Variants in BRPF3 observed in about 807,000 individuals in gnomAD.
The protein encoded by BRPF3 is bromodomain and PHD finger containing 3.
Under a neutral mutation model 102.0 loss-of-function variants are expected in BRPF3, and 18 were observed. The ratio of observed to expected loss-of-function variants is 0.18; its 90% CI spans 0.12 to 0.26. The LOEUF is 0.26. Ranked by LOEUF, BRPF3 falls within the 10% of genes least tolerant of loss-of-function variation. The probability of loss-of-function intolerance (pLI) is 1.00; values close to 1 mark genes in which losing one functional copy is unlikely to be tolerated. For synonymous variants in BRPF3, 570 were observed against 614.2 expected (o/e 0.93, Z 1.06); for missense variants, 1,147 against 1,567.8 (o/e 0.73, Z 4.53).
In BRPF3 at chr6:36,231,288, C is replaced by G. The variant is rs1561837983; in HGVS notation, c.*679C>G. On this transcript the variant is annotated 3_prime_UTR_variant, in exon 13 of 13. Coordinates refer to ENST00000357641, the MANE Select transcript of BRPF3 (RefSeq NM_015695.3). ...CAGGCTCCTCAGGCCCAGACAGAGG[C>G]CAGCCCACAACCTATGACCCCCTCC... The G allele has an allele frequency of 6.5e-6, 1 of 152,834 alleles. No homozygotes were observed. Among genetic ancestry groups the G allele is most frequent in the Non-Finnish European group, 1.5e-5 (1 of 68,228 alleles). The allele number at this position is 152,834 out of a possible 1,614,324, so 9.5% of individuals were successfully genotyped here. A position where few individuals can be genotyped will look rare whatever the true frequency, so the allele number is the denominator to read the frequency against.
At chr6:36,220,654 C>A (rs1304130340) in intron 9 of BRPF3, among the ~76,000 whole-genome samples, 1 of 152,208 alleles carries the variant, frequency 6.6e-6, no homozygotes, top group Non-Finnish European at 1.5e-5. Context: ...TAGCACTTTA[C>A]ATTTGTACAA....
chr6:36,197,465 C>T (rs1767541822), intron 1 of BRPF3: 1 of 152,286 alleles, frequency 6.6e-6, no homozygotes, highest in African/African-American at 2.4e-5. Context: ...TCCCTCCTTT[C>T]TTCTCCGAGG....
chr6:36,210,518 C>A lies in BRPF3; in HGVS notation c.2169C>A (p.Ser723=). ...SPKLEDFYRF[S]WEDVDNILIP... The stretch of plus-strand genomic sequence containing the variant: ...AATTGGAAGACTTTTACCGCTTCTC[C>A]TGGGAAGACGGTGAGAGGCCTGGAT... The change falls in exon 6 of 13, where the codon TCC becomes TCA. Residue 723 remains serine (S), a synonymous_variant. Coordinates refer to ENST00000357641, the MANE Select transcript of BRPF3 (RefSeq NM_015695.3). This position sits in a 1 kb window ranked among gnomAD's most constrained non-coding sequence, Gnocchi z 4.7. 1 of 1,589,908 alleles carries A rather than the reference C, an allele frequency of 6.3e-7. No individual in the cohort carries two copies. Among genetic ancestry groups the A allele is most frequent in the Non-Finnish European group, 8.5e-7 (1 of 1,174,290 alleles).
At chr6:36,204,066 T>G (rs1767815538) in intron 2 of BRPF3, among the ~76,000 whole-genome samples, 1 of 152,220 alleles carries the variant, frequency 6.6e-6, no homozygotes, top group Non-Finnish European at 1.5e-5. Flanking sequence ...GTTTTCACAT[T>G]TCCCATCCTC....
At chr6:36,214,534 C>A in intron 8 of BRPF3, 148 bp downstream of exon 8, 1 of 1,003,828 alleles carries the variant, frequency 1.0e-6, no homozygotes, top group Non-Finnish European at 1.4e-6. Context: ...CACAGTTGGG[C>A]CTGGCATGTT....
chr6:36,214,068 G>A lies in BRPF3; in HGVS notation c.2671G>A (p.Gly891Arg). ...ELLEKSPLQLGNEPLQRLLSD... is the reference protein window; with the variant it reads ...ELLEKSPLQLRNEPLQRLLSD... Reference sequence around the variant, plus strand: ...CTTGGAAAAATCACCACTGCAGCTAGGGAATGAGCCTTTGCAACGCTTGCT... The same window carrying A: ...CTTGGAAAAATCACCACTGCAGCTAAGGAATGAGCCTTTGCAACGCTTGCT... Residue 891 changes from glycine (G) to arginine (R), a missense_variant, in exon 8 of 13, where the codon GGG becomes AGG. Transcript: ENST00000357641. The A allele has an allele frequency of 1.9e-6, 3 of 1,614,162 alleles. No homozygotes were observed. The highest frequency in any genetic ancestry group is 2.5e-6 in the Non-Finnish European group (3 of 1,180,024).
chr6:36,230,744 A>C lies in BRPF3; in HGVS notation c.*135A>C. The stretch of plus-strand genomic sequence containing the variant: ...AGGCCAGGGACTGGGCTTTCTCCCC[A>C]CTAAGGGCAAGGCCCCAGTTTTGAC... On this transcript the variant is annotated 3_prime_UTR_variant, in exon 13 of 13. Coordinates refer to ENST00000357641, the MANE Select transcript of BRPF3 (RefSeq NM_015695.3). This position sits in a 1 kb window ranked among gnomAD's most constrained non-coding sequence, Gnocchi z 5.4. The C allele has an allele frequency of 2.6e-6, 3 of 1,165,594 alleles. No homozygotes were observed. Among genetic ancestry groups the C allele is most frequent in the Non-Finnish European group, 3.6e-6 (3 of 840,544 alleles). 72.2% of individuals were successfully genotyped at this position (1,165,594 alleles called of 1,614,324 possible).
chr6:36,213,572 G>A (rs1372241805), intron 7 of BRPF3, among the ~76,000 whole-genome samples: 1 of 152,052 alleles, frequency 6.6e-6, no homozygotes, highest in Non-Finnish European at 1.5e-5. Flanking sequence ...GTGTGGTGGT[G>A]TGTGCTTATA....
At chr6:36,213,772 C>A (rs1768218007) in intron 7 of BRPF3, 108 bp from the exon 8 acceptor site, 3 of 1,176,068 alleles carry the variant, frequency 2.6e-6, no homozygotes, top group Non-Finnish European at 3.6e-6. Context: ...GCATCTCAAG[C>A]CTTATAACAG....
intron 9 of BRPF3, among the ~76,000 whole-genome samples, chr6:36,218,926 G>T (rs911505117): frequency 4.6e-5 from 7 of 152,170 alleles, no homozygotes; most frequent in African/African-American, 1.7e-4. Context: ...TCTGTGTTCT[G>T]TGTTCTGCAA....
intron 3 of BRPF3, among the ~76,000 whole-genome samples, chr6:36,205,756 T>C (rs1396367494): frequency 6.6e-6 from 1 of 152,212 alleles, no homozygotes. Context: ...TGCTATCTGC[T>C]CGTTTGCTTG....
At chr6:36,211,657 A>T (rs1768119397) in intron 7 of BRPF3, 97 bp downstream of exon 7, 1 of 1,417,570 alleles carries the variant, frequency 7.1e-7, no homozygotes, top group Non-Finnish European at 9.4e-7. Flanking sequence ...CTGAGTTTAG[A>T]TCTGACACTT....
Position 36,207,297 on chromosome 6 carries a change from C to T in BRPF3, c.1606-16C>T, listed in dbSNP as rs370248845. ...AAGAAGGAGGTTCCTAGTCCCTCTT[C>T]TCTTCCCTCCTGTAGCGAGAGCAGG... is the stretch of plus-strand genomic sequence containing the variant. On this transcript the variant is annotated splice_polypyrimidine_tract_variant and intron_variant, in intron 3 of 12. Coordinates refer to ENST00000357641, the MANE Select transcript of BRPF3 (RefSeq NM_015695.3). The T allele has an allele frequency of 1.2e-4, 197 of 1,609,972 alleles. No homozygotes were observed. The highest frequency in any genetic ancestry group is 1.6e-4 in the Non-Finnish European group (194 of 1,177,468).
At chr6:36,205,992 TTCCC>T (rs2127279848) in intron 3 of BRPF3, among the ~76,000 whole-genome samples, 1 of 152,314 alleles carries the variant, frequency 6.6e-6, no homozygotes, top group East Asian at 1.9e-4. Flanking sequence ...ATATCAAAAG[TTCCC>T]CACCTTGGAG....
chr6:36,197,771 C>T (rs902203423), intron 1 of BRPF3, among the ~76,000 whole-genome samples: 1 of 152,068 alleles, frequency 6.6e-6, no homozygotes, highest in Non-Finnish European at 1.5e-5. Flanking sequence ...TCCTTGTGGG[C>T]GAAACTCTTT....
chr6:36,230,691 A>G lies in BRPF3; in HGVS notation c.*82A>G, dbSNP rs924826401. On this transcript the variant is annotated 3_prime_UTR_variant, in exon 13 of 13. Coordinates refer to ENST00000357641, the MANE Select transcript of BRPF3 (RefSeq NM_015695.3). The surrounding 1 kb of genome is among the most constrained non-coding windows in gnomAD (Gnocchi z 5.4). ...AGCCTCTTCTGCCCCTGCCAGATGT[A>G]TGGCCGGCAGCTTCCCCCTCTCATG... The G allele has an allele frequency of 4.7e-6, 7 of 1,474,974 alleles. No homozygotes were observed. Among genetic ancestry groups the G allele is most frequent in the African/African-American group, 2.8e-5 (2 of 71,108 alleles). 91.4% of individuals were successfully genotyped at this position (1,474,974 alleles called of 1,614,324 possible).
Position 36,214,214 on chromosome 6 carries a change from G to C in BRPF3, c.2817G>C (p.Lys939Asn). Residue 939 changes from lysine to asparagine, a missense_variant, in exon 8 of 13, where the codon AAG becomes AAC. Lys to Asn is a moderately conservative substitution (Grantham distance 94, BLOSUM62 0). Coordinates refer to ENST00000357641, the MANE Select transcript of BRPF3 (RefSeq NM_015695.3). ...TCAAGAAGGCCAAGAATGGGGTTAA[G>C]CTACAGAGAAGCCCAGACAGGGTCC... ...VLFKKAKNGV[K>N]LQRSPDRVLE... 1 of 1,614,212 alleles carries C rather than the reference G, an allele frequency of 6.2e-7. No homozygotes were observed. The highest frequency in any genetic ancestry group is 8.5e-7 in the Non-Finnish European group (1 of 1,180,030).
chr6:36,216,443 C>T (rs1768331329), intron 8 of BRPF3, among the ~76,000 whole-genome samples: 1 of 152,212 alleles, frequency 6.6e-6, no homozygotes, highest in African/African-American at 2.4e-5. Flanking sequence ...TTGCCTGGCA[C>T]TCAGGGATAC....
At position 36,204,806 on chromosome 6, in the gene BRPF3, G is replaced by T; in HGVS notation, c.1597G>T (p.Ala533Ser). 1 of 1,613,996 alleles carries T rather than the reference G, an allele frequency of 6.2e-7. No homozygotes were observed. Among genetic ancestry groups the T allele is most frequent in the African/African-American group, 1.3e-5 (1 of 75,036 alleles). Residue 533 changes from alanine (A) to serine (S), a missense_variant, in exon 3 of 13, where the codon GCT (alanine) becomes TCT (serine). By Grantham distance (99) the Ala-to-Ser change is moderately conservative (BLOSUM62 1). Around this residue, in one of 11 missense-constraint regions of BRPF3, gnomAD observed 37 missense variants for 33.3 expected, o/e 1.11. Coordinates refer to ENST00000357641, the MANE Select transcript of BRPF3 (RefSeq NM_015695.3). ...LHSHLQSQRN[A>S]EQREQDEKTS... is the part of the protein sequence containing the mutation. ...CTCCCATCTGCAGTCCCAAAGAAAC[G>T]CTGAGCAGGTAGGTGCAGTGGTGAT...
Sources: gnomAD v4.1 joint callset for allele counts (sites outside exome capture counted in the v4.1 genomes callset) on GRCh38, gnomAD v4.1.1 for gene constraint, gnomAD v4.1.1 regional missense constraint, Gnocchi (gnomAD v3.1) non-coding constraint, MANE v1.5 for transcripts, NCBI Gene and HGNC (gene_info 2026-07-23, HGNC 2026-07-21) for gene names.